Variants in MINDY4 observed in about 807,000 individuals in gnomAD.
MINDY4 encodes the protein probable ubiquitin carboxyl-terminal hydrolase MINDY-4.
Under a neutral mutation model 87.0 loss-of-function variants are expected in MINDY4, and 68 were observed. The ratio of observed to expected loss-of-function variants is 0.78; its 90% CI spans 0.64 to 0.96. The LOEUF (loss-of-function observed/expected upper bound fraction) is 0.96. Ranked by LOEUF, MINDY4 falls within the 40% of genes least tolerant of loss-of-function variation. The pLI, the probability that MINDY4 is intolerant of heterozygous loss-of-function variation, is 0.00. For synonymous variants in MINDY4, 379 were observed against 363.2 expected, an observed-to-expected ratio of 1.04 and a Z score of -0.50; for missense variants, 919 against 928.2, an observed-to-expected ratio of 0.99 and a Z score of 0.13.
At chr7:30,854,232 G>T (rs950358948) in intron 12 of MINDY4, among the ~76,000 whole-genome samples, 6 of 152,198 alleles carry the variant, frequency 3.9e-5, no homozygotes, top group African/African-American at 1.4e-4. Context: ...GAATCCTTCT[G>T]TACCTCACTT....
chr7:30,883,184 C>G, intron 17 of MINDY4, among the ~76,000 whole-genome samples, 191 bp downstream of exon 17: 1 of 152,174 alleles, frequency 6.6e-6, no homozygotes, highest in East Asian at 1.9e-4. Flanking sequence ...AGTGTGTGGT[C>G]TGCAGTGGTG....
chr7:30,776,093 A>T (rs1786802745), intron 1 of MINDY4, among the ~76,000 whole-genome samples: 1 of 152,228 alleles, frequency 6.6e-6, no homozygotes, highest in Non-Finnish European at 1.5e-5. Flanking sequence ...TGAATTGTTC[A>T]ATAGCCTCCT....
intron 9 of MINDY4, among the ~76,000 whole-genome samples, chr7:30,846,660 C>T (rs1789228556): frequency 6.6e-6 from 1 of 151,694 alleles, no homozygotes; most frequent in South Asian, 2.1e-4. Flanking sequence ...CTCACGCAGG[C>T]ACATACAGCC....
In MINDY4 at chr7:30,851,232, C is replaced by A. The variant is rs150508355; in HGVS notation, c.1547+677C>A. ...GGCCAAGGACCATACTCTGGGGGCA[C>A]GTTGGTCACTGTAGCATATTGCTTC... On this transcript the variant is annotated intron_variant, in intron 10 of 17. Coordinates refer to ENST00000265299, the MANE Select transcript of MINDY4 (RefSeq NM_032222.3). Among the ~76,000 whole-genome samples the A allele has an allele frequency of 6.4e-4, 97 of 152,250 alleles. 2 individuals are homozygous for A. The highest frequency in any genetic ancestry group is 2.2e-3 in the African/African-American group (93 of 41,528).
intron 2 of MINDY4, 105 bp downstream of exon 2, chr7:30,778,656 G>T: frequency 1.5e-6 from 2 of 1,345,778 alleles, no homozygotes; most frequent in Non-Finnish European, 2.1e-6. Context: ...GGTTCTCCTG[G>T]CCTGTCACAC....
intron 13 of MINDY4, among the ~76,000 whole-genome samples, 187 bp downstream of exon 13, chr7:30,859,511 A>G (rs1042715205): frequency 1.3e-5 from 2 of 152,190 alleles, no homozygotes; most frequent in African/African-American, 2.4e-5. Flanking sequence ...GGCATTCTAC[A>G]TATACACGTG....
intron 17 of MINDY4, 21 bp from the exon 18 acceptor site, chr7:30,891,932 GTCTC>G: frequency 6.2e-7 from 1 of 1,613,672 alleles, no homozygotes; most frequent in Non-Finnish European, 8.5e-7. Flanking sequence ...ATCTCTCTTT[GTCTC>G]TCTCCTCACT....
At chr7:30,806,092 A>G (rs998232859) in intron 5 of MINDY4, among the ~76,000 whole-genome samples, 1 of 152,258 alleles carries the variant, frequency 6.6e-6, no homozygotes, top group African/African-American at 2.4e-5. Context: ...GAAAGAGTCA[A>G]TTCTACTCAG....
Position 30,791,474 on chromosome 7 carries a change from A to C in MINDY4, c.973A>C (p.Met325Leu). 1 of 1,614,048 alleles carries C rather than the reference A, an allele frequency of 6.2e-7. No homozygotes were observed. Among genetic ancestry groups the C allele is most frequent in the Non-Finnish European group, 8.5e-7 (1 of 1,179,958 alleles). ...GGACGGCAGCACAGACACGGACAGG[A>C]TGCCCTTGAAGCTCTACTTGCCTGG... ...AVDGSTDTDR[M>L]PLKLYLPGGN... is the part of the protein sequence containing the mutation. Residue 325 changes from methionine to leucine, a missense_variant, in exon 5 of 18, where the codon ATG becomes CTG. Physicochemically the swap from Met to Leu is conservative, Grantham distance 15 (BLOSUM62 2). Transcript: ENST00000265299.
intron 1 of MINDY4, among the ~76,000 whole-genome samples, chr7:30,775,470 T>C (rs1786783346): frequency 6.6e-6 from 1 of 152,240 alleles, no homozygotes; most frequent in Non-Finnish European, 1.5e-5. Flanking sequence ...TTCAGCATGC[T>C]GCCCTCCCAG....
chr7:30,839,165 A>T, intron 7 of MINDY4, 35 bp from the exon 8 acceptor site: 2 of 1,447,766 alleles, frequency 1.4e-6, no homozygotes, highest in Non-Finnish European at 1.9e-6. Context: ...GCTTGCTTTT[A>T]AAACAACCAG....
In MINDY4 at chr7:30,892,098, G is replaced by A. The variant is rs539715058; in HGVS notation, c.*93G>A. The A allele has an allele frequency of 5.0e-4, 705 of 1,406,326 alleles. 1 individual carries two copies. The highest frequency in any genetic ancestry group is 1.6e-3 in the Middle Eastern group (9 of 5,612). The allele number at this position is 1,406,326 out of a possible 1,614,324, so 87.1% of individuals were successfully genotyped here. A position where few individuals can be genotyped will look rare whatever the true frequency, so the allele number is the denominator to read the frequency against. On this transcript the variant is annotated 3_prime_UTR_variant, in exon 18 of 18. Coordinates refer to ENST00000265299, the MANE Select transcript of MINDY4 (RefSeq NM_032222.3). The stretch of plus-strand genomic sequence containing the variant: ...CCCAAGCCTCTGGGGCAGGTCTCAT[G>A]TACCCCAACCTGGGTCAGCATGACT...
chr7:30,831,874 CA>C (rs1462255500), intron 6 of MINDY4, among the ~76,000 whole-genome samples: 5 of 152,178 alleles, frequency 3.3e-5, no homozygotes, highest in African/African-American at 1.2e-4. Flanking sequence ...GTATGGGAAA[CA>C]AAACCCCTTG....
chr7:30,836,369 C>T (rs533075280), intron 6 of MINDY4, among the ~76,000 whole-genome samples: 155 of 152,288 alleles, frequency 1.0e-3, no homozygotes, highest in Non-Finnish European at 1.5e-3. Context: ...TATGTCCATG[C>T]GTGGAACTTT....
chr7:30,853,190 G>T (rs937018332), intron 11 of MINDY4, among the ~76,000 whole-genome samples: 3 of 152,354 alleles, frequency 2.0e-5, no homozygotes, highest in Admixed American at 6.5e-5. Flanking sequence ...GAACCCTGAC[G>T]ACTCCAGCGG....
At chr7:30,831,153 C>A (rs986151127) in intron 6 of MINDY4, among the ~76,000 whole-genome samples, 1 of 152,086 alleles carries the variant, frequency 6.6e-6, no homozygotes, top group Non-Finnish European at 1.5e-5. Context: ...GTAATGAGAC[C>A]CCTCTTACCT....
At chr7:30,845,353 CCT>C (rs1426846488) in intron 9 of MINDY4, among the ~76,000 whole-genome samples, 1 of 152,104 alleles carries the variant, frequency 6.6e-6, no homozygotes, top group East Asian at 1.9e-4. Flanking sequence ...TGGGCAGGAA[CCT>C]CTCTCAGTCC....
At chr7:30,785,496 AG>A (rs980906133) in intron 3 of MINDY4, among the ~76,000 whole-genome samples, 4 of 152,144 alleles carry the variant, frequency 2.6e-5, no homozygotes, top group African/African-American at 9.7e-5. Flanking sequence ...TAAGGACTTG[AG>A]GGGTCCTGTT....
At chr7:30,858,915 C>T (rs1455005836) in intron 12 of MINDY4, 1 of 521,092 alleles carries the variant, frequency 1.9e-6, no homozygotes, top group Non-Finnish European at 3.7e-6. Context: ...TCCCCCAGGA[C>T]TGTTAGAGTG....
Sources: gnomAD v4.1 joint callset for allele counts (sites outside exome capture counted in the v4.1 genomes callset) on GRCh38, gnomAD v4.1.1 for gene constraint, MANE v1.5 for transcripts, NCBI Gene and HGNC (gene_info 2026-07-23, HGNC 2026-07-21) for gene names.